Variants in ADGRL3 observed in about 807,000 individuals in gnomAD.
ADGRL3 encodes the protein calcium-independent alpha-latrotoxin receptor 3.
In ADGRL3, 62 loss-of-function variants were observed where a neutral mutation model predicts 153.5. The observed-to-expected ratio is 0.40, with a 90% CI of 0.33 to 0.50. The LOEUF is 0.50. Among genes scored for constraint, ADGRL3 ranks in the 20% least tolerant of loss-of-function variants. The pLI is 0.47. For missense variants in ADGRL3, 1,641 were observed against 1,859.4 expected (o/e 0.88, Z 2.16); for synonymous variants, 710 against 672.5 (o/e 1.06, Z -0.86).
Position 62,053,574 on chromosome 4 carries a change from A to G in ADGRL3, c.3814+9025A>G, listed in dbSNP as rs116815124. On this transcript the variant is annotated intron_variant, in intron 25 of 26. Transcript: ENST00000683033. ...AATTACGAAAGATTTGAGAGGATAT[A>G]TAGATAGAAGGAAGATAGTCAATCT... 2.2e-3 allele frequency among the ~76,000 whole-genome samples: 335 copies of G among 151,690 alleles called. 2 individuals carry two copies. Among genetic ancestry groups the G allele is most frequent in the African/African-American group, 7.5e-3 (313 of 41,544 alleles).
chr4:61,458,481 G>T (rs1401734250), intron 2 of ADGRL3, among the ~76,000 whole-genome samples: 1 of 150,982 alleles, frequency 6.6e-6, no homozygotes, highest in Non-Finnish European at 1.5e-5. Context: ...TTATATATAT[G>T]GTTTAGAAAT....
intron 8 of ADGRL3, among the ~76,000 whole-genome samples, chr4:61,751,570 T>C (rs552772625): frequency 6.6e-6 from 1 of 152,210 alleles, no homozygotes; most frequent in East Asian, 1.9e-4. Flanking sequence ...AAAATAGTGA[T>C]ATAGTGGTGT....
At chr4:61,541,842 TACACACACACACACAC>T (rs3075148) in intron 4 of ADGRL3, among the ~76,000 whole-genome samples, 2 of 146,478 alleles carry the variant, frequency 1.4e-5, no homozygotes, top group African/African-American at 5.0e-5. Context: ...TGTGTGTGTA[TACACACACACACACAC>T]ACACACACAC....
chr4:61,593,222 C>G (rs578109541), intron 5 of ADGRL3, among the ~76,000 whole-genome samples: 1 of 152,158 alleles, frequency 6.6e-6, no homozygotes, highest in East Asian at 1.9e-4. Flanking sequence ...TGAAAAGTTG[C>G]TCTAGTTATT....
intron 2 of ADGRL3, among the ~76,000 whole-genome samples, chr4:61,468,749 TAAAG>T (rs2097912758): frequency 6.6e-6 from 1 of 152,038 alleles, no homozygotes; most frequent in Non-Finnish European, 1.5e-5. Context: ...GTGGCTGGCA[TAAAG>T]AGAGTGAATG....
intron 9 of ADGRL3, among the ~76,000 whole-genome samples, chr4:61,855,888 A>G (rs1202733665): frequency 6.6e-6 from 1 of 152,172 alleles, no homozygotes; most frequent in Non-Finnish European, 1.5e-5. Flanking sequence ...TAATTAAAAG[A>G]GCAATTAAGT....
chr4:61,804,963 A>ATTTATTTTT (rs2097538157), intron 8 of ADGRL3, among the ~76,000 whole-genome samples: 22 of 144,066 alleles, frequency 1.5e-4, no homozygotes, highest in African/African-American at 4.6e-4. Context: ...TTATTTATTT[A>ATTTATTTTT]TTTTTTTTTT....
At chr4:61,769,417 T>A (rs1411615103) in intron 8 of ADGRL3, among the ~76,000 whole-genome samples, 1 of 151,918 alleles carries the variant, frequency 6.6e-6, no homozygotes, top group African/African-American at 2.4e-5. Context: ...TGGTGAGATG[T>A]TTCTTGGGCT....
At chr4:61,258,845 C>T (rs2092253521) in intron 1 of ADGRL3, among the ~76,000 whole-genome samples, 1 of 152,108 alleles carries the variant, frequency 6.6e-6, no homozygotes, top group Admixed American at 6.6e-5. Context: ...AACAAAATAA[C>T]CTACTTCTAG....
At chr4:62,045,917 ATTC>A (rs1164860522) in intron 25 of ADGRL3, among the ~76,000 whole-genome samples, 1 of 151,930 alleles carries the variant, frequency 6.6e-6, no homozygotes, top group African/African-American at 2.4e-5. Context: ...TCTCTCAAGT[ATTC>A]TTATCTTTTT....
chr4:62,046,499 A>G (rs73823298), intron 25 of ADGRL3, among the ~76,000 whole-genome samples: 2,029 of 152,064 alleles, frequency 0.013, 47 homozygotes, highest in African/African-American at 0.046. Context: ...ATATATTTAA[A>G]GGAAATAATA....
At chr4:61,686,552 G>A (rs2095447484) in intron 6 of ADGRL3, among the ~76,000 whole-genome samples, 1 of 152,002 alleles carries the variant, frequency 6.6e-6, no homozygotes, top group African/African-American at 2.4e-5. Flanking sequence ...GGTACAGTGT[G>A]GCATTTTTAT....
intron 5 of ADGRL3, among the ~76,000 whole-genome samples, chr4:61,647,477 G>A (rs1260877637): frequency 3.3e-5 from 5 of 152,080 alleles, no homozygotes; most frequent in Non-Finnish European, 7.4e-5. Flanking sequence ...ATAAAATCGT[G>A]ACTTTATGCT....
At chr4:62,012,469 C>T (rs1192440631) in intron 21 of ADGRL3, among the ~76,000 whole-genome samples, 2 of 152,148 alleles carry the variant, frequency 1.3e-5, no homozygotes, top group Non-Finnish European at 2.9e-5. Context: ...TTTGAGGTTT[C>T]TGAGAGGTTA....
chr4:61,423,286 C>T (rs1380980437), intron 2 of ADGRL3, among the ~76,000 whole-genome samples: 1 of 152,106 alleles, frequency 6.6e-6, no homozygotes, highest in Non-Finnish European at 1.5e-5. Flanking sequence ...AGTAGACAAA[C>T]AGGATGATTA....
intron 2 of ADGRL3, among the ~76,000 whole-genome samples, chr4:61,493,157 G>A (rs1579162283): frequency 6.6e-6 from 1 of 152,090 alleles, no homozygotes; most frequent in Admixed American, 6.6e-5. Flanking sequence ...AAAACATATT[G>A]TATAATTATT....
chr4:61,930,275 G>GA (rs1464378259), intron 13 of ADGRL3, among the ~76,000 whole-genome samples: 2 of 151,968 alleles, frequency 1.3e-5, no homozygotes, highest in Non-Finnish European at 2.9e-5. Flanking sequence ...TCAAATGGAG[G>GA]AAGGGGGGTA....
chr4:61,898,232 G>A (rs996316720), intron 11 of ADGRL3, among the ~76,000 whole-genome samples: 2 of 152,174 alleles, frequency 1.3e-5, no homozygotes, highest in African/African-American at 4.8e-5. Flanking sequence ...TAGCAAATGG[G>A]AGGTACCCAA....
At chr4:61,338,565 C>T (rs1168765427) in intron 1 of ADGRL3, among the ~76,000 whole-genome samples, 2 of 152,040 alleles carry the variant, frequency 1.3e-5, no homozygotes, top group South Asian at 2.1e-4. Context: ...TATGTGGCAG[C>T]CAGCATTATA....
Sources: gnomAD v4.1 joint callset for allele counts (sites outside exome capture counted in the v4.1 genomes callset) on GRCh38, gnomAD v4.1.1 for gene constraint, MANE v1.5 for transcripts, NCBI Gene and HGNC (gene_info 2026-07-23, HGNC 2026-07-21) for gene names.